Variants in SLC25A21 observed in about 807,000 individuals in gnomAD.
SLC25A21 encodes solute carrier family 25 member 21.
SLC25A21 carries 47 observed loss-of-function variants against 43.8 expected under a neutral mutation model. The observed-to-expected ratio is 1.07, with a 90% CI of 0.85 to 1.37. The LOEUF (loss-of-function observed/expected upper bound fraction) is 1.37, where lower values mean the gene tolerates loss of function less well. SLC25A21 is among the 40% of genes most tolerant of loss of function. The pLI, the probability that SLC25A21 is intolerant of heterozygous loss-of-function variation, is 0.00. For synonymous variants in SLC25A21, 131 were observed against 121.3 expected, an observed-to-expected ratio of 1.08 and a Z score of -0.52; for missense variants, 352 against 350.2, an observed-to-expected ratio of 1.00 and a Z score of -0.04.
chr14:36,787,001 G>A (rs929904668), intron 3 of SLC25A21, among the ~76,000 whole-genome samples: 5 of 152,136 alleles, frequency 3.3e-5, no homozygotes, highest in South Asian at 2.1e-4. Context: ...GATTTTTCTC[G>A]CTTGAGGGTT....
At chr14:37,074,341 C>T (rs901737080) in intron 1 of SLC25A21, among the ~76,000 whole-genome samples, 2 of 152,164 alleles carry the variant, frequency 1.3e-5, no homozygotes, top group Non-Finnish European at 2.9e-5. Context: ...AATGGGGCCA[C>T]TCTTCCTTGA....
At chr14:37,000,670 C>A (rs987722705) in intron 1 of SLC25A21, among the ~76,000 whole-genome samples, 1 of 152,166 alleles carries the variant, frequency 6.6e-6, no homozygotes, top group African/African-American at 2.4e-5. Flanking sequence ...AAATTGTAAT[C>A]CCCACATGTC....
chr14:37,161,807 C>CA, intron 1 of SLC25A21, among the ~76,000 whole-genome samples: 1 of 151,384 alleles, frequency 6.6e-6, no homozygotes, highest in East Asian at 2.0e-4. Flanking sequence ...AAAAAAAATA[C>CA]AAAAAATTAG....
chr14:37,152,982 G>A lies in SLC25A21; in HGVS notation c.70+19299C>T, dbSNP rs373631806. Among the ~76,000 whole-genome samples, 8 of 152,276 alleles carry A rather than the reference G, an allele frequency of 5.3e-5. No homozygotes were observed. The South Asian group carries it at 1.4e-3, about 28-fold the overall frequency. On this transcript the variant is annotated intron_variant, in intron 1 of 9. Coordinates refer to ENST00000331299, the MANE Select transcript of SLC25A21 (RefSeq NM_030631.4). ...AGAGACAGGAAACACCAAAAGTGGG[G>A]AAGGAGGAAAAGAGGCAGCATCCCT...
intron 1 of SLC25A21, among the ~76,000 whole-genome samples, chr14:37,063,934 C>T (rs945770686): frequency 1.3e-5 from 2 of 152,142 alleles, no homozygotes; most frequent in Admixed American, 6.5e-5. Context: ...TTGACTATCA[C>T]GATGATGGTT....
chr14:36,693,693 G>T (rs1882890808), intron 7 of SLC25A21, among the ~76,000 whole-genome samples: 1 of 151,958 alleles, frequency 6.6e-6, no homozygotes, highest in African/African-American at 2.4e-5. Flanking sequence ...GAGTGCAGTG[G>T]TGCAATCTTA....
chr14:36,799,067 T>A (rs143176441), intron 3 of SLC25A21, among the ~76,000 whole-genome samples: 193 of 152,300 alleles, frequency 1.3e-3, no homozygotes, highest in African/African-American at 4.5e-3. Flanking sequence ...GAATGAATAC[T>A]CCCTTTGTTC....
intron 7 of SLC25A21, among the ~76,000 whole-genome samples, chr14:36,698,144 A>G (rs1200559138): frequency 6.6e-6 from 1 of 152,086 alleles, no homozygotes; most frequent in Non-Finnish European, 1.5e-5. Context: ...GCTTGTCTGT[A>G]AAGTATTTTA....
At chr14:36,958,616 A>T (rs1959402058) in intron 1 of SLC25A21, among the ~76,000 whole-genome samples, 1 of 151,804 alleles carries the variant, frequency 6.6e-6, no homozygotes, top group Admixed American at 6.6e-5. Context: ...GAGACTGGCA[A>T]TCTCCTCCCA....
At chr14:36,808,490 A>G (rs1419336514) in intron 3 of SLC25A21, among the ~76,000 whole-genome samples, 2 of 152,200 alleles carry the variant, frequency 1.3e-5, no homozygotes, top group Non-Finnish European at 2.9e-5. Flanking sequence ...GTGTGATTTG[A>G]GGCTAGGAAT....
At chr14:36,935,648 G>A (rs559692541) in intron 1 of SLC25A21, among the ~76,000 whole-genome samples, 1 of 151,720 alleles carries the variant, frequency 6.6e-6, no homozygotes, top group Admixed American at 6.6e-5. Context: ...AATATACCAG[G>A]CTACAGCGTA....
intron 1 of SLC25A21, among the ~76,000 whole-genome samples, chr14:37,127,237 G>A (rs577233521): frequency 6.6e-6 from 1 of 152,154 alleles, no homozygotes; most frequent in East Asian, 1.9e-4. Flanking sequence ...AACAAATGAG[G>A]CTCAAAGGGC....
chr14:36,884,636 C>T (rs531005771), intron 1 of SLC25A21, among the ~76,000 whole-genome samples: 4 of 152,238 alleles, frequency 2.6e-5, no homozygotes, highest in East Asian at 1.9e-4. Context: ...CTTGCCAACA[C>T]TTTTTATCTT....
intron 1 of SLC25A21, among the ~76,000 whole-genome samples, chr14:36,997,556 C>G (rs1960398341): frequency 1.3e-5 from 2 of 152,126 alleles, no homozygotes; most frequent in South Asian, 4.1e-4. Flanking sequence ...AGGTTGGGCA[C>G]AATGGCTCAT....
At position 36,699,112 on chromosome 14, in the gene SLC25A21, A is replaced by T. The variant is rs1375487568; in HGVS notation, c.603+12206T>A. Among the ~76,000 whole-genome samples the T allele has an allele frequency of 3.4e-5, 5 of 147,166 alleles. No individual in the cohort carries two copies. In the East Asian group the frequency reaches 1.0e-3, roughly 29 times the overall value. ...ACCTACAGATGGGGTTTTGGTGTAG[A>T]TGACCTTTTTTTTTTTTTTAATTTG... On this transcript the variant is annotated intron_variant, in intron 7 of 9. Transcript: ENST00000331299.
intron 1 of SLC25A21, among the ~76,000 whole-genome samples, chr14:37,063,341 A>C (rs1054219987): frequency 2.0e-5 from 3 of 152,058 alleles, no homozygotes; most frequent in Non-Finnish European, 4.4e-5. Context: ...CTCTACTAAA[A>C]ATATAAAAAT....
chr14:37,024,610 G>A (rs1460153499), intron 1 of SLC25A21, among the ~76,000 whole-genome samples: 1 of 151,934 alleles, frequency 6.6e-6, no homozygotes, highest in Non-Finnish European at 1.5e-5. Flanking sequence ...GGATTTTAAT[G>A]ATTATTAGAG....
At chr14:37,007,030 A>T (rs1392277067) in intron 1 of SLC25A21, among the ~76,000 whole-genome samples, 3 of 152,234 alleles carry the variant, frequency 2.0e-5, no homozygotes, top group African/African-American at 7.2e-5. Flanking sequence ...AAGACATTTT[A>T]TCAGTTCACC....
chr14:36,772,465 A>G (rs1433386975), intron 3 of SLC25A21, among the ~76,000 whole-genome samples: 1 of 152,180 alleles, frequency 6.6e-6, no homozygotes, highest in Non-Finnish European at 1.5e-5. Flanking sequence ...TTTTTGAAAG[A>G]TTTATTCATG....
Sources: gnomAD v4.1 joint callset for allele counts (sites outside exome capture counted in the v4.1 genomes callset) on GRCh38, gnomAD v4.1.1 for gene constraint, MANE v1.5 for transcripts, NCBI Gene and HGNC (gene_info 2026-07-23, HGNC 2026-07-21) for gene names.